The following FBXW11 variants were observed in gnomAD, a reference collection of about 807,000 sequenced individuals.
FBXW11 encodes the protein F-box/WD repeat-containing protein 11.
Under a neutral mutation model 77.6 loss-of-function variants are expected in FBXW11, and 19 were observed. That is an observed-to-expected ratio of 0.24 (90% confidence interval 0.17 to 0.36). FBXW11 has a LOEUF of 0.36. FBXW11 is among the 10% of genes least tolerant of loss of function. FBXW11 has a pLI of 1.00. For synonymous variants in FBXW11, 235 were observed against 249.4 expected, an observed-to-expected ratio of 0.94 and a Z score of 0.54; for missense variants, 334 against 704.2, an observed-to-expected ratio of 0.47 and a Z score of 5.95.
chr5:171,964,808 T>C (rs1236907352), intron 1 of FBXW11, among the ~76,000 whole-genome samples: 1 of 152,260 alleles, frequency 6.6e-6, no homozygotes, highest in African/African-American at 2.4e-5. Flanking sequence ...TAGAACTGAA[T>C]ATTGGCCCAT....
intron 6 of FBXW11, among the ~76,000 whole-genome samples, chr5:171,892,503 G>A (rs1759421501): frequency 6.6e-6 from 1 of 152,138 alleles, no homozygotes; most frequent in South Asian, 2.1e-4. Context: ...AAGCAGGATG[G>A]GCCTGCCTCT....
intron 4 of FBXW11, chr5:171,908,689 A>G (rs1373030632): frequency 6.6e-6 from 1 of 152,202 alleles, no homozygotes; most frequent in Non-Finnish European, 1.5e-5. Context: ...TAAAACTCCC[A>G]TTGTAGAAGG....
intron 1 of FBXW11, among the ~76,000 whole-genome samples, chr5:171,998,835 T>C (rs1766233272): frequency 6.7e-6 from 1 of 149,806 alleles, no homozygotes; most frequent in African/African-American, 2.5e-5. Context: ...CAAGACATAC[T>C]ATAATGGTAC....
chr5:171,914,843 C>T (rs1761123544), intron 2 of FBXW11, among the ~76,000 whole-genome samples: 1 of 152,158 alleles, frequency 6.6e-6, no homozygotes, highest in Non-Finnish European at 1.5e-5. Context: ...TTGGAAGCCC[C>T]CCTGCCTTCG....
At chr5:171,916,571 A>C (rs77310504) in intron 2 of FBXW11, 87,885 of 530,598 alleles carry the variant, frequency 0.17, 8,022 homozygotes, top group Non-Finnish European at 0.19. Flanking sequence ...GTATTTATGG[A>C]GGTCTCTCCA....
chr5:171,976,449 G>A (rs1323830205), intron 1 of FBXW11, among the ~76,000 whole-genome samples: 1 of 152,150 alleles, frequency 6.6e-6, no homozygotes, highest in African/African-American at 2.4e-5. Context: ...CAAGCACTGT[G>A]ATAGATGCTG....
At chr5:171,963,054 A>G (rs1763990343) in intron 1 of FBXW11, among the ~76,000 whole-genome samples, 1 of 152,168 alleles carries the variant, frequency 6.6e-6, no homozygotes, top group Non-Finnish European at 1.5e-5. Context: ...AATCAAGTTG[A>G]GTGGCTGTTC....
At chr5:171,949,308 A>C (rs967698382) in intron 2 of FBXW11, among the ~76,000 whole-genome samples, 1 of 152,226 alleles carries the variant, frequency 6.6e-6, no homozygotes, top group Non-Finnish European at 1.5e-5. Context: ...TATGATATCA[A>C]ATCAATGAAA....
intron 13 of FBXW11, among the ~76,000 whole-genome samples, chr5:171,865,607 A>C: frequency 6.6e-6 from 1 of 152,248 alleles, no homozygotes; most frequent in East Asian, 1.9e-4. Context: ...AAAGCCTGAA[A>C]GGATCTATAA....
intron 3 of FBXW11, among the ~76,000 whole-genome samples, chr5:171,913,387 T>C (rs773795857): frequency 7.2e-5 from 11 of 152,302 alleles, no homozygotes; most frequent in Non-Finnish European, 1.6e-4. Context: ...GAAGAACCAC[T>C]GCCAATTGAA....
chr5:171,982,953 C>T (rs980861415), intron 1 of FBXW11, among the ~76,000 whole-genome samples: 1 of 152,058 alleles, frequency 6.6e-6, no homozygotes, highest in African/African-American at 2.4e-5. Flanking sequence ...TGTAATCCCA[C>T]CACTTTGGGA....
At chr5:171,870,415 A>G (rs542758876) in intron 11 of FBXW11, among the ~76,000 whole-genome samples, 1 of 151,948 alleles carries the variant, frequency 6.6e-6, no homozygotes, top group Non-Finnish European at 1.5e-5. Flanking sequence ...ACACACACAA[A>G]GAGCCTGGCT....
chr5:171,946,805 CTTTTTTTTTTT>C (rs70982356), intron 2 of FBXW11, among the ~76,000 whole-genome samples: 240 of 58,628 alleles, frequency 4.1e-3, no homozygotes, highest in African/African-American at 5.4e-3. Flanking sequence ...GTGTACTTTA[CTTTTTTTTTTT>C]TTTTTTTTTT....
At chr5:171,940,410 T>C (rs536578306) in intron 2 of FBXW11, among the ~76,000 whole-genome samples, 8 of 152,198 alleles carry the variant, frequency 5.3e-5, no homozygotes, top group African/African-American at 1.9e-4. Flanking sequence ...CTAGAAGCAA[T>C]GACATTCCAG....
At chr5:171,969,767 T>C (rs893484442) in intron 1 of FBXW11, among the ~76,000 whole-genome samples, 1 of 152,224 alleles carries the variant, frequency 6.6e-6, no homozygotes, top group Non-Finnish European at 1.5e-5. Flanking sequence ...ACTGGCATGA[T>C]TTCGGCTCAC....
intron 13 of FBXW11, chr5:171,867,837 T>C (rs924737009): frequency 2.0e-5 from 3 of 152,234 alleles, no homozygotes; most frequent in East Asian, 1.9e-4. Context: ...CATAGTAGTA[T>C]GTTTATATGT....
At chr5:171,980,225 A>G (rs986105286) in intron 1 of FBXW11, among the ~76,000 whole-genome samples, 1 of 152,234 alleles carries the variant, frequency 6.6e-6, no homozygotes, top group African/African-American at 2.4e-5. Context: ...AGAAGTTACT[A>G]TTTATTCCTA....
chr5:171,964,969 T>A, intron 1 of FBXW11, among the ~76,000 whole-genome samples: 1 of 152,042 alleles, frequency 6.6e-6, no homozygotes, highest in East Asian at 1.9e-4. Context: ...TAATATTATA[T>A]CACAGGGTAT....
intron 4 of FBXW11, among the ~76,000 whole-genome samples, chr5:171,902,894 T>C (rs1336664338): frequency 1.3e-5 from 2 of 152,198 alleles, no homozygotes; most frequent in Non-Finnish European, 2.9e-5. Flanking sequence ...CCATTATTCT[T>C]GGGTTGGGGG....
Sources: allele counts gnomAD v4.1 joint callset (sites outside exome capture counted in the v4.1 genomes callset), GRCh38; gene constraint gnomAD v4.1.1; transcripts MANE v1.5; gene names NCBI Gene and HGNC (gene_info 2026-07-23, HGNC 2026-07-21).